REDIC1: variants seen among roughly 807,000 people sequenced by gnomAD.
REDIC1 encodes regulator of DNA class I crossover intermediates 1, also known as HEI10 Interacting Protein 1.
the REDIC1 span, among the ~76,000 whole-genome samples, chr12:39,669,493 G>A: frequency 6.6e-6 from 1 of 152,098 alleles, no homozygotes; most frequent in African/African-American, 2.4e-5. Flanking sequence ...TAGGCTACTC[G>A]GGCGTCAGGG....
At chr12:39,839,314 G>A in the REDIC1 span, among the ~76,000 whole-genome samples, 15 of 151,970 alleles carry the variant, frequency 9.9e-5, no homozygotes, top group East Asian at 1.9e-4. Flanking sequence ...CATAGATGTC[G>A]GTTGATTTCC....
the REDIC1 span, among the ~76,000 whole-genome samples, chr12:39,751,292 T>A: frequency 6.6e-6 from 1 of 152,112 alleles, no homozygotes; most frequent in African/African-American, 2.4e-5. Context: ...AGCAGACACA[T>A]GAAAAAATGC....
the REDIC1 span, among the ~76,000 whole-genome samples, chr12:39,723,078 T>C: frequency 2.6e-5 from 4 of 152,132 alleles, no homozygotes; most frequent in Admixed American, 1.3e-4. Flanking sequence ...TGGTTGGCAA[T>C]ACTTCATGTG....
At chr12:39,786,201 G>A in the REDIC1 span, among the ~76,000 whole-genome samples, 5 of 152,112 alleles carry the variant, frequency 3.3e-5, no homozygotes, top group African/African-American at 9.7e-5. Context: ...CATGTATTGT[G>A]GGAGGTACCC....
chr12:39,670,408 C>T, the REDIC1 span, among the ~76,000 whole-genome samples: 5 of 152,164 alleles, frequency 3.3e-5, no homozygotes, highest in Non-Finnish European at 7.3e-5. Flanking sequence ...CCACACTGGT[C>T]TTGAACTCCT....
the REDIC1 span, among the ~76,000 whole-genome samples, chr12:39,669,781 CT>C: frequency 6.6e-6 from 1 of 152,222 alleles, no homozygotes; most frequent in Non-Finnish European, 1.5e-5. Flanking sequence ...TGGCTGCCGC[CT>C]TGCAGTTTGT....
At chr12:39,676,049 C>A in the REDIC1 span, among the ~76,000 whole-genome samples, 1 of 151,934 alleles carries the variant, frequency 6.6e-6, no homozygotes, top group African/African-American at 2.4e-5. Context: ...GTTTCCGTAA[C>A]ACCCCCAAAA....
chr12:39,895,514 TTATATATATATATATA>T, the REDIC1 span, among the ~76,000 whole-genome samples: 377 of 56,636 alleles, frequency 6.7e-3, 121 homozygotes, highest in Middle Eastern at 0.018. Flanking sequence ...AAAAAAAAAA[TTATATATATATATATA>T]TATATATATA....
At chr12:39,714,450 T>G in the REDIC1 span, among the ~76,000 whole-genome samples, 1 of 151,482 alleles carries the variant, frequency 6.6e-6, no homozygotes, top group East Asian at 1.9e-4. Context: ...CTTCATCCAC[T>G]CGTTGATTGA....
the REDIC1 span, among the ~76,000 whole-genome samples, chr12:39,703,826 A>G: frequency 6.6e-6 from 1 of 152,188 alleles, no homozygotes; most frequent in Non-Finnish European, 1.5e-5. Flanking sequence ...GCAATGGGGA[A>G]AGGATTCCCT....
the REDIC1 span, chr12:39,683,208 G>A: frequency 2.1e-6 from 3 of 1,412,590 alleles, no homozygotes; most frequent in Non-Finnish European, 2.9e-6. Flanking sequence ...ATATATATTT[G>A]TATATTCATA....
the REDIC1 span, among the ~76,000 whole-genome samples, chr12:39,800,506 C>A: frequency 7.8e-6 from 1 of 128,128 alleles, no homozygotes; most frequent in African/African-American, 3.1e-5. Flanking sequence ...TGCTCATCAT[C>A]ACTGGCCATC....
the REDIC1 span, among the ~76,000 whole-genome samples, chr12:39,891,265 G>A: frequency 9.3e-5 from 14 of 151,008 alleles, no homozygotes; most frequent in African/African-American, 2.4e-5. Context: ...CCATTCTATA[G>A]CATCTCTGCA....
At chr12:39,785,092 T>C in the REDIC1 span, among the ~76,000 whole-genome samples, 4 of 152,164 alleles carry the variant, frequency 2.6e-5, no homozygotes, top group African/African-American at 9.7e-5. Context: ...GAAATTTGCA[T>C]AAGTAGCAAG....
chr12:39,751,730 G>C, the REDIC1 span, among the ~76,000 whole-genome samples: 2 of 152,084 alleles, frequency 1.3e-5, no homozygotes, highest in African/African-American at 2.4e-5. Flanking sequence ...CCATAAAAAA[G>C]GATGAGTTCA....
the REDIC1 span, among the ~76,000 whole-genome samples, chr12:39,725,017 G>C: frequency 1.3e-5 from 2 of 151,888 alleles, no homozygotes; most frequent in African/African-American, 4.8e-5. Flanking sequence ...ATGAAGACCA[G>C]CAATTTCCAA....
At chr12:39,724,265 G>A in the REDIC1 span, among the ~76,000 whole-genome samples, 1 of 152,138 alleles carries the variant, frequency 6.6e-6, no homozygotes, top group African/African-American at 2.4e-5. Context: ...AGTAACAGTA[G>A]CATCGATATT....
the REDIC1 span, among the ~76,000 whole-genome samples, chr12:39,730,316 A>G: frequency 3.9e-5 from 6 of 152,150 alleles, no homozygotes; most frequent in Admixed American, 1.3e-4. Context: ...TTCCATATTT[A>G]GTGCTTTCTT....
chr12:39,869,022 A>C, the REDIC1 span, among the ~76,000 whole-genome samples: 1 of 152,216 alleles, frequency 6.6e-6, no homozygotes, highest in African/African-American at 2.4e-5. Context: ...CAAAATAGGG[A>C]ACGATACTGA....
Sources: allele counts gnomAD v4.1 joint callset (sites outside exome capture counted in the v4.1 genomes callset), GRCh38; gene constraint gnomAD v4.1.1; transcripts MANE v1.5; gene names NCBI Gene and HGNC (gene_info 2026-07-23, HGNC 2026-07-21).